ZRANB1: variants seen among roughly 807,000 people sequenced by gnomAD.
ZRANB1 encodes zinc finger RANBP2-type containing 1, also known as ubiquitin thioesterase ZRANB1.
A neutral mutation model predicts 80.5 loss-of-function variants in ZRANB1; 16 were observed. The observed-to-expected ratio is 0.20, with a 90% CI of 0.13 to 0.30. The LOEUF (loss-of-function observed/expected upper bound fraction) is 0.30, where lower values mean the gene tolerates loss of function less well. ZRANB1 is among the 10% of genes least tolerant of loss of function. ZRANB1 has a pLI of 1.00. For synonymous variants in ZRANB1, 291 were observed against 293.1 expected, an observed-to-expected ratio of 0.99 and a Z score of 0.07; for missense variants, 576 against 862.6, an observed-to-expected ratio of 0.67 and a Z score of 4.16.
intron 2 of ZRANB1, among the ~76,000 whole-genome samples, chr10:124,968,254 A>G (rs890738528): frequency 2.6e-5 from 4 of 152,208 alleles, no homozygotes; most frequent in Admixed American, 1.3e-4. Flanking sequence ...AGTCATATTA[A>G]TTGTGGATTC....
chr10:124,919,767 A>G, the ZRANB1 span, among the ~76,000 whole-genome samples: 1 of 151,214 alleles, frequency 6.6e-6, no homozygotes, highest in Non-Finnish European at 1.5e-5. Flanking sequence ...ACCTGCCACC[A>G]CGCCCGGCTA....
the ZRANB1 span, among the ~76,000 whole-genome samples, chr10:124,925,584 T>G: frequency 3.3e-5 from 5 of 152,216 alleles, no homozygotes; most frequent in Admixed American, 6.5e-5. Context: ...GCACAAAAGT[T>G]TTTAATTTGA....
intron 5 of ZRANB1, among the ~76,000 whole-genome samples, chr10:124,976,565 CTTTTTTTTTTTT>C (rs138858881): frequency 1.3e-5 from 1 of 75,710 alleles, no homozygotes; most frequent in Non-Finnish European, 2.5e-5. Flanking sequence ...TGGTAATTTC[CTTTTTTTTTTTT>C]TTTTTTTTTT....
At chr10:124,917,229 C>T in the ZRANB1 span, 1 of 172,042 alleles carries the variant, frequency 5.8e-6, no homozygotes, top group Non-Finnish European at 1.2e-5. Flanking sequence ...GCCCGTCGGA[C>T]GGGGAGGAGG....
chr10:124,961,446 A>G (rs1324442993), intron 1 of ZRANB1, among the ~76,000 whole-genome samples: 3 of 152,190 alleles, frequency 2.0e-5, no homozygotes, highest in Non-Finnish European at 4.4e-5. Flanking sequence ...ACTTGTCCCA[A>G]AGATAACTTT....
chr10:124,961,311 C>A (rs541724565), intron 1 of ZRANB1, among the ~76,000 whole-genome samples: 1 of 152,210 alleles, frequency 6.6e-6, no homozygotes, highest in East Asian at 1.9e-4. Context: ...CAGCTGGAAC[C>A]TAAGATTTTT....
At chr10:124,932,440 C>T in the ZRANB1 span, among the ~76,000 whole-genome samples, 1 of 152,040 alleles carries the variant, frequency 6.6e-6, no homozygotes, top group African/African-American at 2.4e-5. Context: ...CAGGTACCCG[C>T]CACCGCACCT....
chr10:124,949,182 C>T (rs1951609532), intron 1 of ZRANB1, among the ~76,000 whole-genome samples: 1 of 151,782 alleles, frequency 6.6e-6, no homozygotes, highest in African/African-American at 2.4e-5. Context: ...TTTGTTTTTT[C>T]AAAAAAATCA....
chr10:124,968,448 G>A (rs111684012), intron 2 of ZRANB1, among the ~76,000 whole-genome samples: 1 of 150,358 alleles, frequency 6.7e-6, no homozygotes, highest in Non-Finnish European at 1.5e-5. Context: ...AAGCCGGGGT[G>A]GGGGGCTTGA....
chr10:124,949,522 CAT>C (rs1491091502), intron 1 of ZRANB1, among the ~76,000 whole-genome samples: 498 of 33,928 alleles, frequency 0.015, 4 homozygotes, highest in African/African-American at 0.024. Context: ...CACACACACA[CAT>C]TTTTTTTTTT....
the ZRANB1 span, among the ~76,000 whole-genome samples, chr10:124,933,078 A>G: frequency 6.6e-6 from 1 of 151,128 alleles, no homozygotes; most frequent in Non-Finnish European, 1.5e-5. Flanking sequence ...TGTCTTTCAC[A>G]GAGCAGAAGT....
intron 1 of ZRANB1, among the ~76,000 whole-genome samples, chr10:124,959,824 C>G (rs1274422640): frequency 1.3e-5 from 2 of 152,140 alleles, no homozygotes; most frequent in Non-Finnish European, 2.9e-5. Context: ...ACCACACTCA[C>G]CCTAGTGTAG....
At chr10:124,962,940 C>T (rs916748027) in intron 1 of ZRANB1, among the ~76,000 whole-genome samples, 3 of 151,956 alleles carry the variant, frequency 2.0e-5, no homozygotes, top group African/African-American at 4.8e-5. Context: ...GCATAATACA[C>T]GTTTGTTAAA....
intron 1 of ZRANB1, among the ~76,000 whole-genome samples, chr10:124,947,626 T>TA (rs926474690): frequency 3.0e-4 from 45 of 152,330 alleles, no homozygotes; most frequent in Admixed American, 1.6e-3. Flanking sequence ...TCAAGCTCAG[T>TA]AATGCTAAAA....
intron 3 of ZRANB1, among the ~76,000 whole-genome samples, chr10:124,972,542 G>A (rs946911535): frequency 6.6e-6 from 1 of 152,136 alleles, no homozygotes; most frequent in Non-Finnish European, 1.5e-5. Flanking sequence ...GCTTTTGATG[G>A]GTAGAGTCAG....
intron 1 of ZRANB1, chr10:124,945,409 A>ATTTTTTTTTTTTTTTTTTTTTTT (rs57697692): frequency 8.1e-6 from 1 of 123,542 alleles, no homozygotes; most frequent in Admixed American, 8.7e-5. Context: ...TCTTAAAATC[A>ATTTTTTTTTTTTTTTTTTTTTTT]TTTTTTTTTT....
chr10:124,943,545 GTATA>G (rs756402215), intron 1 of ZRANB1, among the ~76,000 whole-genome samples: 1 of 149,674 alleles, frequency 6.7e-6, no homozygotes, highest in African/African-American at 2.4e-5. Context: ...GTGTGTGTGT[GTATA>G]TATATATGCG....
At chr10:124,950,091 A>C (rs914200801) in intron 1 of ZRANB1, among the ~76,000 whole-genome samples, 1 of 152,100 alleles carries the variant, frequency 6.6e-6, no homozygotes, top group Non-Finnish European at 1.5e-5. Context: ...AAAGACTTAG[A>C]TGATTTTTAT....
intron 1 of ZRANB1, chr10:124,945,409 A>ATTTTTTTTTTTT (rs57697692): frequency 8.9e-5 from 11 of 123,538 alleles, no homozygotes; most frequent in African/African-American, 3.8e-4. Context: ...TCTTAAAATC[A>ATTTTTTTTTTTT]TTTTTTTTTT....
Sources: gnomAD v4.1 joint callset for allele counts (sites outside exome capture counted in the v4.1 genomes callset) on GRCh38, gnomAD v4.1.1 for gene constraint, MANE v1.5 for transcripts, NCBI Gene and HGNC (gene_info 2026-07-23, HGNC 2026-07-21) for gene names.